Variants in SLC25A13 observed in about 807,000 individuals in gnomAD.
SLC25A13 encodes electrogenic aspartate/glutamate antiporter SLC25A13, mitochondrial.
Under a neutral mutation model 85.5 loss-of-function variants are expected in SLC25A13, and 70 were observed. The ratio of observed to expected loss-of-function variants is 0.82; its 90% confidence interval spans 0.68 to 1.00. The LOEUF is 1.00. SLC25A13 is among the 50% of genes least tolerant of loss of function. The probability of loss-of-function intolerance (pLI) is 0.00; values close to 1 mark genes in which losing one functional copy is unlikely to be tolerated. For missense variants in SLC25A13, 765 were observed against 819.8 expected, an observed-to-expected ratio of 0.93 and a Z score of 0.82; for synonymous variants, 259 against 288.7, an observed-to-expected ratio of 0.90 and a Z score of 1.04.
chr7:96,173,356 T>G (rs755262930), intron 11 of SLC25A13, among the ~76,000 whole-genome samples: 2 of 152,204 alleles, frequency 1.3e-5, no homozygotes, highest in Non-Finnish European at 2.9e-5. Context: ...CATAGAGAGA[T>G]AAAGTAATTT....
intron 13 of SLC25A13, among the ~76,000 whole-genome samples, chr7:96,160,061 G>GAAT (rs1223422939): frequency 6.6e-6 from 1 of 152,132 alleles, no homozygotes; most frequent in Admixed American, 6.5e-5. Flanking sequence ...TGTGTATTTT[G>GAAT]ACTACTACTA....
intron 3 of SLC25A13, among the ~76,000 whole-genome samples, chr7:96,261,269 T>C (rs1797843359): frequency 6.6e-6 from 1 of 152,190 alleles, no homozygotes; most frequent in African/African-American, 2.4e-5. Flanking sequence ...ATATCTTTTG[T>C]TTACATTATC....
At chr7:96,257,896 C>G (rs997083539) in intron 3 of SLC25A13, among the ~76,000 whole-genome samples, 1 of 152,168 alleles carries the variant, frequency 6.6e-6, no homozygotes, top group African/African-American at 2.4e-5. Flanking sequence ...CCCTGGGATG[C>G]AAGGCTGGTT....
At chr7:96,167,694 A>T (rs2116566628) in intron 13 of SLC25A13, among the ~76,000 whole-genome samples, 1 of 152,310 alleles carries the variant, frequency 6.6e-6, no homozygotes, top group African/African-American at 2.4e-5. Context: ...TTGTATTCCC[A>T]ATAGGACAGA....
intron 3 of SLC25A13, among the ~76,000 whole-genome samples, chr7:96,264,230 T>C (rs1167836638): frequency 3.3e-5 from 5 of 152,274 alleles, no homozygotes. Context: ...CTAACTGGTC[T>C]CACTTTAAAT....
chr7:96,223,128 C>A (rs1043629754), intron 4 of SLC25A13, among the ~76,000 whole-genome samples: 1 of 151,900 alleles, frequency 6.6e-6, no homozygotes, highest in Non-Finnish European at 1.5e-5. Context: ...TTACAAACAA[C>A]CATAGCCATT....
intron 13 of SLC25A13, among the ~76,000 whole-genome samples, chr7:96,157,291 C>T (rs79450185): frequency 0.011 from 1,675 of 152,184 alleles, 23 homozygotes; most frequent in African/African-American, 0.039. Context: ...CTTCTAATAC[C>T]GCCTTCTCTG....
chr7:96,316,493 C>T (rs914409754), intron 1 of SLC25A13, among the ~76,000 whole-genome samples: 10 of 152,126 alleles, frequency 6.6e-5, no homozygotes, highest in Non-Finnish European at 1.5e-4. Context: ...TACACCTTCG[C>T]AAATGGAACT....
intron 4 of SLC25A13, among the ~76,000 whole-genome samples, chr7:96,215,616 C>T (rs1344924679): frequency 6.6e-6 from 1 of 151,890 alleles, no homozygotes; most frequent in Admixed American, 6.6e-5. Flanking sequence ...CCTATCTCAC[C>T]CTGTATACAA....
In SLC25A13 at chr7:96,147,135, C is replaced by T. The variant is rs574706995; in HGVS notation, c.1312-439G>A. On this transcript the variant is annotated intron_variant, in intron 13 of 17. Transcript: ENST00000265631. ...CCAAATGAGGAGACACAGAACAGAA[C>T]GGGGACTAGGAGGACAAAGGCTCTT... Among the ~76,000 whole-genome samples, 18 of 151,886 alleles carry T rather than the reference C, an allele frequency of 1.2e-4. 1 individual carries two copies. The highest frequency in any genetic ancestry group is 4.2e-4 in the South Asian group (2 of 4,802).
chr7:96,276,515 C>A (rs1209569679), intron 3 of SLC25A13, among the ~76,000 whole-genome samples: 1 of 152,090 alleles, frequency 6.6e-6, no homozygotes, highest in Non-Finnish European at 1.5e-5. Context: ...ACCAGCTACT[C>A]AGGAGGCTGA....
intron 3 of SLC25A13, among the ~76,000 whole-genome samples, chr7:96,239,037 TTATATA>T (rs58990918): frequency 0.18 from 23,925 of 130,652 alleles, 2,841 homozygotes; most frequent in African/African-American, 0.33. Context: ...ACTATATATT[TTATATA>T]TATATATATA....
Position 96,256,229 on chromosome 7 carries a change from T to G in SLC25A13, c.212+20967A>C, listed in dbSNP as rs1797631709. On this transcript the variant is annotated intron_variant, in intron 3 of 17. Coordinates refer to ENST00000265631, the MANE Select transcript of SLC25A13 (RefSeq NM_014251.3). ...GGATCAAATTCACACATAACAATAT[T>G]AACCTTAAACGGGCTAAATGCCCCA... 2.0e-5 allele frequency among the ~76,000 whole-genome samples: 3 copies of G among 152,078 alleles called. No homozygotes were observed. The South Asian group carries it at 6.2e-4, about 31-fold the overall frequency.
chr7:96,195,142 A>G (rs1040509974), intron 5 of SLC25A13, among the ~76,000 whole-genome samples: 2 of 152,182 alleles, frequency 1.3e-5, no homozygotes, highest in South Asian at 4.1e-4. Flanking sequence ...TTTAGAGAAT[A>G]TATCCACGTG....
chr7:96,298,460 T>C (rs937721510), intron 1 of SLC25A13, among the ~76,000 whole-genome samples: 13 of 151,806 alleles, frequency 8.6e-5, no homozygotes, highest in African/African-American at 2.9e-4. Flanking sequence ...TGAGATGGAG[T>C]TTCACTCTTG....
chr7:96,318,604 A>G (rs11982522), intron 1 of SLC25A13, among the ~76,000 whole-genome samples: 98,831 of 152,032 alleles, frequency 0.65, 32,404 homozygotes, highest in Non-Finnish European at 0.67. Flanking sequence ...TAATCTTCAT[A>G]GCAAAATTCA....
chr7:96,208,537 G>A (rs908456872), intron 5 of SLC25A13, among the ~76,000 whole-genome samples: 10 of 142,334 alleles, frequency 7.0e-5, no homozygotes, highest in African/African-American at 1.1e-4. Context: ...ACGGAGTCTC[G>A]CTCTTTCACC....
rs914978642 is a variant in SLC25A13, at chr7:96,296,776, G to A, written c.69+122C>T. ...GATTACAGGCATGAGCCACCGTGCC[G>A]GGCTGACACTTTGGGACTTTTTCAA... On this transcript the variant is annotated intron_variant, in intron 2 of 17. Transcript: ENST00000265631. 13 of 1,000,166 alleles carry A rather than the reference G, an allele frequency of 1.3e-5. No homozygotes were observed. In the East Asian group the frequency reaches 1.3e-4, roughly 10 times the overall value. 62.0% of individuals were successfully genotyped at this position (1,000,166 alleles called of 1,614,324 possible). A position where few individuals can be genotyped will look rare whatever the true frequency, so the allele number is the denominator to read the frequency against.
intron 13 of SLC25A13, among the ~76,000 whole-genome samples, chr7:96,167,247 T>A (rs1361578950): frequency 1.3e-5 from 2 of 152,212 alleles, no homozygotes; most frequent in Non-Finnish European, 2.9e-5. Flanking sequence ...TTTACATATG[T>A]CAGTGAAACA....
Sources: allele counts gnomAD v4.1 joint callset (sites outside exome capture counted in the v4.1 genomes callset), GRCh38; gene constraint gnomAD v4.1.1; transcripts MANE v1.5; gene names NCBI Gene and HGNC (gene_info 2026-07-23, HGNC 2026-07-21).